Variants in MKLN1 observed in about 807,000 individuals in gnomAD.
MKLN1 encodes the protein muskelin.
In MKLN1, 18 loss-of-function variants were observed where a neutral mutation model predicts 99.0. That is an observed-to-expected ratio of 0.18 (90% CI 0.13 to 0.27). The LOEUF (loss-of-function observed/expected upper bound fraction) is 0.27. Ranked by LOEUF, MKLN1 falls within the 10% of genes least tolerant of loss-of-function variation. The pLI, the probability that MKLN1 is intolerant of heterozygous loss-of-function variation, is 1.00. For synonymous variants in MKLN1, 288 were observed against 293.2 expected, an observed-to-expected ratio of 0.98 and a Z score of 0.18; for missense variants, 621 against 875.9, an observed-to-expected ratio of 0.71 and a Z score of 3.67.
At chr7:131,283,048 C>A (rs558687683) in intron 3 of MKLN1, among the ~76,000 whole-genome samples, 1 of 152,178 alleles carries the variant, frequency 6.6e-6, no homozygotes, top group Non-Finnish European at 1.5e-5. Context: ...ACAGCTCCTC[C>A]GTTCATGAAC....
intron 3 of MKLN1, among the ~76,000 whole-genome samples, chr7:131,306,964 A>C (rs887713055): frequency 1.3e-5 from 2 of 152,122 alleles, no homozygotes; most frequent in Non-Finnish European, 2.9e-5. Context: ...AGGAGGGAAA[A>C]ATGGTTTCAT....
intron 8 of MKLN1, among the ~76,000 whole-genome samples, chr7:131,421,522 T>C (rs191279138): frequency 5.1e-4 from 78 of 152,292 alleles, no homozygotes; most frequent in Non-Finnish European, 1.0e-3. Flanking sequence ...GACTTCTTAT[T>C]CGATCTTGAA....
chr7:131,413,882 A>G (rs976566883), intron 7 of MKLN1, among the ~76,000 whole-genome samples: 2 of 152,186 alleles, frequency 1.3e-5, no homozygotes, highest in African/African-American at 4.8e-5. Context: ...AAGATTAGAT[A>G]CAAGTTGAAT....
rs1795294707 is a variant in MKLN1 at position 131,117,435 on chromosome 7, A to AAC, written c.-419+7229_-419+7230insCA. Among the ~76,000 whole-genome samples the AAC allele has an allele frequency of 7.4e-5, 11 of 149,002 alleles. No homozygotes were observed. In the East Asian group the frequency reaches 1.6e-3, roughly 21 times the overall value. ...ACAGACCGAGACTCCATCTCAGGAA[A>AAC]AACAACAACAACAACAACAACAACA... On this transcript the variant is annotated intron_variant, in intron 1 of 7. Coordinates refer to the MKLN1 transcript ENST00000416992.
At chr7:131,443,757 G>A (rs1177141284) in intron 11 of MKLN1, 55 bp downstream of exon 11, 6 of 1,278,534 alleles carry the variant, frequency 4.7e-6, no homozygotes, top group African/African-American at 4.4e-5. Flanking sequence ...TATCTAGATA[G>A]GAAAAGAAGT....
intron 3 of MKLN1, among the ~76,000 whole-genome samples, chr7:131,272,453 G>T (rs1175241742): frequency 6.6e-6 from 1 of 152,204 alleles, no homozygotes; most frequent in African/African-American, 2.4e-5. Flanking sequence ...TGACTGGTAG[G>T]GGTGAGAGGA....
intron 3 of MKLN1, among the ~76,000 whole-genome samples, chr7:131,241,195 T>C (rs991992850): frequency 5.9e-5 from 9 of 151,786 alleles, no homozygotes; most frequent in Non-Finnish European, 7.4e-5. Flanking sequence ...CTGGCCAACA[T>C]GGTGAAACCC....
rs555784334 is a variant in MKLN1, at chr7:131,264,021, C to T, written c.-179+61047C>T. Among the ~76,000 whole-genome samples the T allele has an allele frequency of 6.6e-5, 10 of 152,198 alleles. No individual in the cohort carries two copies. The South Asian group carries it at 2.1e-3, about 32-fold the overall frequency. ...CTTTTCCTTCTGTATGGAGTAGACA[C>T]AGGAGTTCAAGTTTATCTCCCAGAG... is the stretch of plus-strand genomic sequence containing the variant. On this transcript the variant is annotated intron_variant, in intron 3 of 7. Coordinates refer to the MKLN1 transcript ENST00000416992.
At chr7:131,394,860 A>G (rs1347425196) in intron 4 of MKLN1, among the ~76,000 whole-genome samples, 2 of 152,022 alleles carry the variant, frequency 1.3e-5, no homozygotes, top group South Asian at 2.1e-4. Flanking sequence ...TCACTGGTCT[A>G]TCTTGGACTT....
intron 15 of MKLN1, among the ~76,000 whole-genome samples, chr7:131,467,344 A>T (rs187079603): frequency 6.6e-6 from 1 of 152,114 alleles, no homozygotes; most frequent in Non-Finnish European, 1.5e-5. Flanking sequence ...AATAAACATA[A>T]TAAGGAATTT....
intron 1 of MKLN1, among the ~76,000 whole-genome samples, chr7:131,111,970 GT>G (rs1284662183): frequency 6.6e-6 from 1 of 152,136 alleles, no homozygotes; most frequent in Non-Finnish European, 1.5e-5. Flanking sequence ...TGTACTAATT[GT>G]CTTTTTTACC....
intron 2 of MKLN1, among the ~76,000 whole-genome samples, chr7:131,155,743 A>G (rs1353950332): frequency 1.3e-5 from 2 of 152,216 alleles, no homozygotes; most frequent in African/African-American, 4.8e-5. Context: ...TTAGAAAACG[A>G]AGACAAAGGG....
intron 2 of MKLN1, among the ~76,000 whole-genome samples, chr7:131,384,204 AT>A (rs1225300169): frequency 6.9e-6 from 1 of 145,918 alleles, no homozygotes; most frequent in Non-Finnish European, 1.5e-5. Flanking sequence ...TGTGTAGTAG[AT>A]TGAATGGTCC....
At chr7:131,211,836 T>TCAAAAA (rs1300486076) in intron 3 of MKLN1, among the ~76,000 whole-genome samples, 3 of 152,200 alleles carry the variant, frequency 2.0e-5, no homozygotes, top group African/African-American at 7.2e-5. Flanking sequence ...GTATCCCAAG[T>TCAAAAA]GGCTTAGGTC....
rs1316034378 is a variant in MKLN1, at chr7:131,494,446, A to G, written c.*6718A>G. 1 of 152,130 alleles carries G rather than the reference A, an allele frequency of 6.6e-6. No homozygotes were observed. Among genetic ancestry groups the G allele is most frequent in the Non-Finnish European group, 1.5e-5 (1 of 68,026 alleles). 9.4% of individuals were successfully genotyped at this position (152,130 alleles called of 1,614,324 possible). On this transcript the variant is annotated 3_prime_UTR_variant, in exon 18 of 18. Coordinates refer to ENST00000352689, the MANE Select transcript of MKLN1 (RefSeq NM_013255.5). The stretch of plus-strand genomic sequence containing the variant: ...TAGTGTGTTGCCTCAAATAATACCA[A>G]GTTATAAATAATACCAAGTAATTAT...
intron 16 of MKLN1, 55 bp from the exon 17 acceptor site, chr7:131,478,568 T>A (rs1797028011): frequency 4.1e-6 from 6 of 1,465,076 alleles, no homozygotes; most frequent in Non-Finnish European, 4.5e-6. Flanking sequence ...TTTCCTTCAG[T>A]GCACTTAGCC....
At chr7:131,322,857 A>G (rs1798810549) in intron 3 of MKLN1, among the ~76,000 whole-genome samples, 1 of 152,120 alleles carries the variant, frequency 6.6e-6, no homozygotes, top group Admixed American at 6.5e-5. Context: ...GGCGTGAGCC[A>G]CCGCGCCCGG....
At chr7:131,386,543 A>G (rs374882821) in intron 2 of MKLN1, among the ~76,000 whole-genome samples, 1 of 152,168 alleles carries the variant, frequency 6.6e-6, no homozygotes, top group African/African-American at 2.4e-5. Context: ...AATTTTTATA[A>G]TAGAGAACAG....
At chr7:131,452,294 T>C (rs1796202166) in intron 12 of MKLN1, among the ~76,000 whole-genome samples, 1 of 152,200 alleles carries the variant, frequency 6.6e-6, no homozygotes, top group Non-Finnish European at 1.5e-5. Flanking sequence ...TAAGACCTCA[T>C]CTAGCTCCAA....
Sources: allele counts gnomAD v4.1 joint callset (sites outside exome capture counted in the v4.1 genomes callset), GRCh38; gene constraint gnomAD v4.1.1; transcripts MANE v1.5; gene names NCBI Gene and HGNC (gene_info 2026-07-23, HGNC 2026-07-21).